HLCS: variants seen among roughly 807,000 people sequenced by gnomAD.
The protein encoded by HLCS is holocarboxylase synthetase.
A neutral mutation model predicts 75.0 loss-of-function variants in HLCS; 53 were observed. The observed-to-expected ratio is 0.71, with a 90% confidence interval of 0.57 to 0.89. The LOEUF (loss-of-function observed/expected upper bound fraction) is 0.89. Ranked by LOEUF, HLCS falls within the 40% of genes least tolerant of loss-of-function variation. HLCS has a pLI of 0.00. For synonymous variants in HLCS, 431 were observed against 428.6 expected, an observed-to-expected ratio of 1.01 and a Z score of -0.07; for missense variants, 966 against 1,074.0, an observed-to-expected ratio of 0.90 and a Z score of 1.41.
intron 5 of HLCS, among the ~76,000 whole-genome samples, chr21:36,905,314 T>C (rs1250095167): frequency 6.6e-6 from 1 of 151,998 alleles, no homozygotes; most frequent in Non-Finnish European, 1.5e-5. Context: ...AATCAAGAGG[T>C]AAAACTCAAA....
intron 2 of HLCS, among the ~76,000 whole-genome samples, chr21:36,958,194 G>A (rs904914796): frequency 1.3e-5 from 2 of 150,628 alleles, no homozygotes; most frequent in African/African-American, 4.9e-5. Flanking sequence ...AGTGAGCCGA[G>A]ATCGCGCCAC....
At chr21:36,915,385 T>A (rs1200149814) in intron 5 of HLCS, among the ~76,000 whole-genome samples, 1 of 152,210 alleles carries the variant, frequency 6.6e-6, no homozygotes, top group Admixed American at 6.5e-5. Flanking sequence ...CGGCCCCATA[T>A]CAAGAGGCCA....
intron 6 of HLCS, among the ~76,000 whole-genome samples, chr21:36,873,018 T>TG (rs1002501846): frequency 6.6e-6 from 1 of 152,220 alleles, no homozygotes; most frequent in Non-Finnish European, 1.5e-5. Flanking sequence ...TCAGCTGATC[T>TG]GGGGGATATG....
At chr21:36,974,632 AAT>A (rs1420636568) in intron 1 of HLCS, 2 of 152,206 alleles carry the variant, frequency 1.3e-5, no homozygotes, top group Non-Finnish European at 2.9e-5. Flanking sequence ...ATAAGGATAA[AAT>A]AGTCATTAAG....
chr21:36,978,707 G>A (rs774174962), intron 1 of HLCS, among the ~76,000 whole-genome samples: 2 of 152,062 alleles, frequency 1.3e-5, no homozygotes, highest in Non-Finnish European at 2.9e-5. Context: ...CTGAAGGGTC[G>A]GGAGACCCTT....
At chr21:36,924,901 G>A (rs867694928) in intron 5 of HLCS, among the ~76,000 whole-genome samples, 13 of 152,018 alleles carry the variant, frequency 8.6e-5, no homozygotes, top group African/African-American at 2.4e-4. Flanking sequence ...AGCTATCAAC[G>A]TCTGAAAAGC....
intron 6 of HLCS, among the ~76,000 whole-genome samples, chr21:36,797,022 A>C (rs2061046390): frequency 6.6e-6 from 1 of 152,058 alleles, no homozygotes; most frequent in South Asian, 2.1e-4. Context: ...GCACACAACC[A>C]CACCCGGCTA....
intron 6 of HLCS, among the ~76,000 whole-genome samples, chr21:36,811,924 G>C (rs1343279573): frequency 6.6e-6 from 1 of 152,050 alleles, no homozygotes; most frequent in South Asian, 2.1e-4. Flanking sequence ...TGTCTCTCTG[G>C]GTCTCGGCTT....
At position 36,749,277 on chromosome 21, in the gene HLCS, C is replaced by T. The variant is rs2089290651; in HGVS notation, c.*4969G>A. ...CACAATGCATTGAACCGCCGTCCTTCAATTTTCTTCACACTATCAACACTG... is the reference window on the plus strand; with the variant it reads ...CACAATGCATTGAACCGCCGTCCTTTAATTTTCTTCACACTATCAACACTG... On this transcript the variant is annotated 3_prime_UTR_variant, in exon 11 of 11. Coordinates refer to ENST00000674895, the MANE Select transcript of HLCS (RefSeq NM_001352514.2). 1 of 152,612 alleles carries T rather than the reference C, an allele frequency of 6.6e-6. No homozygotes were observed. The highest frequency in any genetic ancestry group is 1.5e-5 in the Non-Finnish European group (1 of 68,028). 9.5% of individuals were successfully genotyped at this position (152,612 alleles called of 1,614,324 possible). A position where few individuals can be genotyped will look rare whatever the true frequency, so the allele number is the denominator to read the frequency against.
intron 5 of HLCS, among the ~76,000 whole-genome samples, chr21:36,930,029 G>A (rs1411983332): frequency 6.6e-6 from 1 of 152,188 alleles, no homozygotes; most frequent in Non-Finnish European, 1.5e-5. Context: ...CACACCTGCA[G>A]ACTTAACACC....
chr21:36,980,026 C>CAAAAAAAAAA (rs71198844), intron 1 of HLCS, among the ~76,000 whole-genome samples: 1 of 55,122 alleles, frequency 1.8e-5, no homozygotes, highest in Non-Finnish European at 3.1e-5. Flanking sequence ...GTCCCCATCT[C>CAAAAAAAAAA]AAAAAAAAAA....
intron 6 of HLCS, among the ~76,000 whole-genome samples, chr21:36,821,380 G>GGGT (rs1237682622): frequency 1.3e-5 from 2 of 152,186 alleles, no homozygotes; most frequent in African/African-American, 4.8e-5. Context: ...TTGAACCACT[G>GGGT]CCAAGAAGAT....
chr21:36,945,182 A>T (rs917048576), intron 2 of HLCS, among the ~76,000 whole-genome samples: 3 of 152,154 alleles, frequency 2.0e-5, no homozygotes, highest in Admixed American at 2.0e-4. Context: ...AGTTCTGAAG[A>T]TCTACTGTAC....
At chr21:36,901,521 A>G (rs1011053866) in intron 5 of HLCS, among the ~76,000 whole-genome samples, 5 of 152,360 alleles carry the variant, frequency 3.3e-5, no homozygotes, top group African/African-American at 1.2e-4. Context: ...TTTGGAGGAC[A>G]GAAGTCAAAA....
chr21:36,938,801 G>A (rs761382167), intron 3 of HLCS, 31 bp downstream of exon 3: 1 of 1,610,290 alleles, frequency 6.2e-7, no homozygotes, highest in East Asian at 2.2e-5. Context: ...ACTATGCCTG[G>A]CCAATAAAAA....
rs1467195179 is a variant in HLCS, at chr21:36,936,535, G to C, written c.1351C>G (p.Gln451Glu). The C allele has an allele frequency of 6.2e-7, 1 of 1,614,090 alleles. No homozygotes were observed. Among genetic ancestry groups the C allele is most frequent in the Non-Finnish European group, 8.5e-7 (1 of 1,180,038 alleles). ...GPVRLSPGRL[Q>E]GHLENEDKDR... ...TTGTCCTCATTCTCCAGGTGGCCCT[G>C]GAGCCTGCCGGGGCTGAGCCGGACG... Residue 451 changes from glutamine to glutamate, a missense_variant, in exon 4 of 11, where the codon CAG becomes GAG. By Grantham distance (29) the Gln-to-Glu change is conservative (BLOSUM62 2). Coordinates refer to ENST00000674895, the MANE Select transcript of HLCS (RefSeq NM_001352514.2).
Position 36,754,270 on chromosome 21 carries a change from G to GT in HLCS, c.2597dup (p.Asn866LysfsTer30), listed in dbSNP as rs767338333. ...ATTACCGCCGTTTGGGGAGGATGAGGTTTCTCAGCATGTCGAAGGAGTTGC... is the reference window on the plus strand; with the variant it reads ...ATTACCGCCGTTTGGGGAGGATGAGGTTTTCTCAGCATGTCGAAGGAGTTGC... On this transcript the variant is annotated frameshift_variant, in exon 11 of 11. Transcript: ENST00000674895. LOFTEE classifies it high-confidence loss of function. 1 of 1,614,098 alleles carries GT rather than the reference G, an allele frequency of 6.2e-7. No homozygotes were observed. Among genetic ancestry groups the GT allele is most frequent in the South Asian group, 1.1e-5 (1 of 91,074 alleles).
At chr21:36,931,074 G>A (rs143157012) in intron 4 of HLCS, among the ~76,000 whole-genome samples, 269 of 152,012 alleles carry the variant, frequency 1.8e-3, no homozygotes, top group African/African-American at 6.1e-3. Flanking sequence ...ACCTGAGGTC[G>A]GGAGTTCAAG....
intron 6 of HLCS, among the ~76,000 whole-genome samples, chr21:36,794,573 G>A (rs1056794136): frequency 6.6e-6 from 1 of 152,114 alleles, no homozygotes; most frequent in Non-Finnish European, 1.5e-5. Context: ...TGCTGGTTGG[G>A]GGACAGATTT....
Sources: gnomAD v4.1 joint callset for allele counts (sites outside exome capture counted in the v4.1 genomes callset) on GRCh38, gnomAD v4.1.1 for gene constraint, MANE v1.5 for transcripts, NCBI Gene and HGNC (gene_info 2026-07-23, HGNC 2026-07-21) for gene names.